Variants in NTNG1 observed in about 807,000 individuals in gnomAD.
The protein encoded by NTNG1 is netrin-G1.
Under a neutral mutation model 54.0 loss-of-function variants are expected in NTNG1, and 16 were observed. The observed-to-expected ratio is 0.30, with a 90% CI of 0.20 to 0.45. NTNG1 has a LOEUF of 0.45. Ranked by LOEUF, NTNG1 falls within the 20% of genes least tolerant of loss-of-function variation. The probability of loss-of-function intolerance (pLI) is 1.00; values close to 1 mark genes in which losing one functional copy is unlikely to be tolerated. For synonymous variants in NTNG1, 255 were observed against 263.1 expected (o/e 0.97, Z 0.30); for missense variants, 530 against 678.7 (o/e 0.78, Z 2.43).
intron 3 of NTNG1, among the ~76,000 whole-genome samples, chr1:107,346,514 C>A (rs1570729905): frequency 6.6e-6 from 1 of 152,122 alleles, no homozygotes; most frequent in African/African-American, 2.4e-5. Context: ...ATTTAAAATA[C>A]TTTTCTCTCA....
intron 2 of NTNG1, among the ~76,000 whole-genome samples, chr1:107,236,477 G>C (rs1661421658): frequency 6.6e-6 from 1 of 152,188 alleles, no homozygotes. Context: ...GTATACAGAT[G>C]ATGATCCAGA....
At chr1:107,290,145 G>A (rs1665485657) in intron 2 of NTNG1, among the ~76,000 whole-genome samples, 1 of 152,152 alleles carries the variant, frequency 6.6e-6, no homozygotes, top group Non-Finnish European at 1.5e-5. Flanking sequence ...TACATATTAT[G>A]TGTCCTGTTG....
chr1:107,264,181 T>C (rs1337175228), intron 2 of NTNG1, among the ~76,000 whole-genome samples: 4 of 152,030 alleles, frequency 2.6e-5, no homozygotes, highest in African/African-American at 9.7e-5. Context: ...CTTCTATTTT[T>C]CAGAATTCTT....
intron 2 of NTNG1, among the ~76,000 whole-genome samples, chr1:107,189,602 T>C (rs1393108800): frequency 6.6e-6 from 1 of 152,060 alleles, no homozygotes; most frequent in Non-Finnish European, 1.5e-5. Context: ...TAGGTTCATA[T>C]AGGTAGGTTA....
chr1:107,175,964 T>C (rs1236056536), intron 2 of NTNG1, among the ~76,000 whole-genome samples: 1 of 152,174 alleles, frequency 6.6e-6, no homozygotes, highest in Non-Finnish European at 1.5e-5. Context: ...GTGTGAAGTT[T>C]AATTCAGCAA....
At chr1:107,357,007 A>G (rs565093724) in intron 3 of NTNG1, among the ~76,000 whole-genome samples, 1 of 152,312 alleles carries the variant, frequency 6.6e-6, no homozygotes, top group Admixed American at 6.5e-5. Context: ...TGTCTCAAAA[A>G]TAAAAGACCA....
chr1:107,157,369 T>G (rs1216554223), intron 2 of NTNG1, among the ~76,000 whole-genome samples: 4 of 152,188 alleles, frequency 2.6e-5, no homozygotes, highest in Non-Finnish European at 5.9e-5. Flanking sequence ...AGGTTCTTGA[T>G]TGGTGTTGTC....
rs199597243 is a variant in NTNG1, at chr1:107,170,717, GA to G, written c.246+21886del. Among the ~76,000 whole-genome samples, 166 of 151,132 alleles carry G rather than the reference GA, an allele frequency of 1.1e-3. 2 individuals carry two copies. The highest frequency in any genetic ancestry group is 6.1e-3 in the Admixed American group (92 of 15,194). ...ATTGAATGTGATTTTTCTTGAGGGG[GA>G]AAAAAAAGAATAAAAAATGGAATAA... On this transcript the variant is annotated intron_variant, in intron 2 of 7. Transcript: ENST00000370068.
intron 2 of NTNG1, among the ~76,000 whole-genome samples, chr1:107,173,295 A>T (rs1280567414): frequency 1.3e-5 from 2 of 152,074 alleles, no homozygotes; most frequent in Non-Finnish European, 2.9e-5. Flanking sequence ...CTTTTTTAAA[A>T]TTTCTAAACC....
At chr1:107,394,901 C>T (rs1044756394) in intron 3 of NTNG1, among the ~76,000 whole-genome samples, 6 of 152,082 alleles carry the variant, frequency 3.9e-5, no homozygotes, top group African/African-American at 1.4e-4. Context: ...GCTTCAGGCC[C>T]CCACTGACTT....
intron 2 of NTNG1, among the ~76,000 whole-genome samples, chr1:107,154,760 A>G (rs1358134701): frequency 6.6e-6 from 1 of 151,316 alleles, no homozygotes; most frequent in African/African-American, 2.4e-5. Context: ...ATATATATAT[A>G]TATATCAGGT....
intron 3 of NTNG1, among the ~76,000 whole-genome samples, chr1:107,355,891 C>A (rs1481152306): frequency 6.6e-6 from 1 of 152,110 alleles, no homozygotes; most frequent in Non-Finnish European, 1.5e-5. Flanking sequence ...TTATTTCTGA[C>A]CTCAGTGGAT....
chr1:107,142,767 AATT>A (rs1379717163), intron 1 of NTNG1, among the ~76,000 whole-genome samples: 7 of 138,004 alleles, frequency 5.1e-5, no homozygotes, highest in Admixed American at 2.9e-4. Context: ...TCCAAAAAAT[AATT>A]TTTTTTTTTT....
At chr1:107,168,163 C>G (rs547439724) in intron 2 of NTNG1, among the ~76,000 whole-genome samples, 5 of 151,626 alleles carry the variant, frequency 3.3e-5, no homozygotes, top group African/African-American at 7.3e-5. Context: ...CCTCCCTCCC[C>G]GCATCCCCCT....
intron 3 of NTNG1, among the ~76,000 whole-genome samples, chr1:107,383,134 G>T (rs868293661): frequency 6.6e-6 from 1 of 152,168 alleles, no homozygotes; most frequent in Non-Finnish European, 1.5e-5. Flanking sequence ...TAATCAGAGT[G>T]TAATATAACC....
rs563667272 is a variant in NTNG1 at position 107,377,911 on chromosome 1, C to T, written c.888-17243C>T. Among the ~76,000 whole-genome samples the T allele has an allele frequency of 2.0e-4, 31 of 152,322 alleles. No individual in the cohort carries two copies. The South Asian group carries it at 6.0e-3, about 30-fold the overall frequency. On this transcript the variant is annotated intron_variant, in intron 3 of 7. Coordinates refer to ENST00000370068, the MANE Select transcript of NTNG1 (RefSeq NM_001113226.3). ...CATTCCCAACAAGAGTGGATAGGTA[C>T]TTGCATTATATATTGCATAAAGGAA...
intron 5 of NTNG1, among the ~76,000 whole-genome samples, chr1:107,429,868 G>C (rs1467402962): frequency 6.6e-6 from 1 of 152,030 alleles, no homozygotes; most frequent in Non-Finnish European, 1.5e-5. Flanking sequence ...AAGAAATCTA[G>C]TCACCCTCCA....
In NTNG1 at chr1:107,226,555, C is replaced by T. The variant is rs546436358; in HGVS notation, c.246+77716C>T. On this transcript the variant is annotated intron_variant, in intron 2 of 7. Coordinates refer to ENST00000370068, the MANE Select transcript of NTNG1 (RefSeq NM_001113226.3). ...GGCATGCATATGGGAGTTTCTTACCCAACTATGTTTCTACTAACCTTACTT... is the reference window on the plus strand; with the variant it reads ...GGCATGCATATGGGAGTTTCTTACCTAACTATGTTTCTACTAACCTTACTT... Among the ~76,000 whole-genome samples, 3 of 152,282 alleles carry T rather than the reference C, an allele frequency of 2.0e-5. No homozygotes were observed. The South Asian group carries it at 6.2e-4, about 32-fold the overall frequency.
intron 2 of NTNG1, among the ~76,000 whole-genome samples, chr1:107,184,849 G>T (rs1657332076): frequency 6.6e-6 from 1 of 152,168 alleles, no homozygotes; most frequent in South Asian, 2.1e-4. Flanking sequence ...TATACTTAAA[G>T]ATTTCTGTAG....
Sources: gnomAD v4.1 joint callset for allele counts (sites outside exome capture counted in the v4.1 genomes callset) on GRCh38, gnomAD v4.1.1 for gene constraint, MANE v1.5 for transcripts, NCBI Gene and HGNC (gene_info 2026-07-23, HGNC 2026-07-21) for gene names.